The following CCDC6 variants were observed in gnomAD, a reference collection of about 807,000 sequenced individuals.
CCDC6 encodes coiled-coil domain containing 6, also known as coiled-coil domain-containing protein 6.
Under a neutral mutation model 56.6 loss-of-function variants are expected in CCDC6, and 20 were observed. That is an observed-to-expected ratio of 0.35 (90% CI 0.25 to 0.51). The LOEUF (loss-of-function observed/expected upper bound fraction) is 0.51, where lower values mean the gene tolerates loss of function less well. Among genes scored for constraint, CCDC6 ranks in the 20% least tolerant of loss-of-function variants. The probability of loss-of-function intolerance (pLI) is 0.95; values close to 1 mark genes in which losing one functional copy is unlikely to be tolerated. For synonymous variants in CCDC6, 241 were observed against 234.4 expected (o/e 1.03, Z -0.26); for missense variants, 367 against 601.1 (o/e 0.61, Z 4.07).
intron 7 of CCDC6, among the ~76,000 whole-genome samples, chr10:59,800,418 G>A (rs1242509829): frequency 6.6e-6 from 1 of 152,192 alleles, no homozygotes; most frequent in Non-Finnish European, 1.5e-5. Context: ...AACCCTTTGA[G>A]ATTAGGTCTT....
chr10:59,871,297 A>G (rs2132668549), intron 1 of CCDC6, among the ~76,000 whole-genome samples: 1 of 152,166 alleles, frequency 6.6e-6, no homozygotes, highest in Non-Finnish European at 1.5e-5. Context: ...ACATTCGCAG[A>G]GCTAAGAACA....
intron 2 of CCDC6, among the ~76,000 whole-genome samples, chr10:59,844,125 A>G (rs1220534152): frequency 1.3e-5 from 2 of 152,172 alleles, no homozygotes; most frequent in African/African-American, 4.8e-5. Context: ...TCAGTGAGGT[A>G]TGTCTGAGTG....
At chr10:59,863,362 A>C (rs1244644167) in intron 1 of CCDC6, among the ~76,000 whole-genome samples, 2 of 152,266 alleles carry the variant, frequency 1.3e-5, no homozygotes, top group Non-Finnish European at 2.9e-5. Flanking sequence ...CGTTATAAAT[A>C]TAACTTGGTG....
chr10:59,861,695 T>C lies in CCDC6; in HGVS notation c.304-8993A>G, dbSNP rs2071130076. Among the ~76,000 whole-genome samples the C allele has an allele frequency of 2.0e-5, 3 of 152,350 alleles. No homozygotes were observed. In the South Asian group the frequency reaches 6.2e-4, roughly 32 times the overall value. ...AATTAGAGATGAAGAATTCCTTCAA[T>C]GGGCTCATTAGTAGATTTGGCATGG... is the stretch of plus-strand genomic sequence containing the variant. On this transcript the variant is annotated intron_variant, in intron 1 of 8. Coordinates refer to ENST00000263102, the MANE Select transcript of CCDC6 (RefSeq NM_005436.5).
At chr10:59,845,165 A>G (rs927968976) in intron 2 of CCDC6, among the ~76,000 whole-genome samples, 9 of 152,152 alleles carry the variant, frequency 5.9e-5, no homozygotes. Context: ...TCCAACTAGA[A>G]ATAACAATAT....
intron 1 of CCDC6, among the ~76,000 whole-genome samples, chr10:59,853,426 C>T (rs1387676677): frequency 2.6e-5 from 4 of 151,916 alleles, no homozygotes; most frequent in South Asian, 4.1e-4. Flanking sequence ...TCCAGCTATT[C>T]GGGAGGCTAA....
intron 1 of CCDC6, among the ~76,000 whole-genome samples, chr10:59,874,248 C>T (rs1021995719): frequency 6.6e-6 from 1 of 152,108 alleles, no homozygotes; most frequent in African/African-American, 2.4e-5. Flanking sequence ...AACAAAGGCA[C>T]AAATTGATCT....
chr10:59,839,355 C>T (rs1055027537), intron 2 of CCDC6, among the ~76,000 whole-genome samples: 3 of 152,146 alleles, frequency 2.0e-5, no homozygotes, highest in African/African-American at 7.2e-5. Flanking sequence ...GATCCTACTC[C>T]AAAACATAGA....
intron 1 of CCDC6, among the ~76,000 whole-genome samples, chr10:59,855,240 C>T (rs2458661): frequency 0.53 from 80,424 of 152,090 alleles, 23,282 homozygotes; most frequent in African/African-American, 0.78. Flanking sequence ...GAGATTTCAC[C>T]GTAACATAAA....
In CCDC6 at chr10:59,871,468, T is replaced by TAAA. The variant is rs138741485; in HGVS notation, c.304-18769_304-18767dup. 3.0e-5 allele frequency among the ~76,000 whole-genome samples: 3 copies of TAAA among 98,490 alleles called. No homozygotes were observed. In the Admixed American group the frequency reaches 3.3e-4, roughly 11 times the overall value. 64.6% of individuals were successfully genotyped at this position (98,490 alleles called of 152,430 possible). A position where few individuals can be genotyped will look rare whatever the true frequency, so the allele number is the denominator to read the frequency against. Reference sequence around the variant, plus strand: ...TTCACTGGCATCACCTAATACTCATTAAAAAAAAAAAAAAAAAAAAAAAAA... The same window carrying TAAA: ...TTCACTGGCATCACCTAATACTCATTAAAAAAAAAAAAAAAAAAAAAAAAAAAA... On this transcript the variant is annotated intron_variant, in intron 1 of 8. Transcript: ENST00000263102.
chr10:59,826,861 A>T (rs1398321510), intron 3 of CCDC6, among the ~76,000 whole-genome samples: 1 of 152,240 alleles, frequency 6.6e-6, no homozygotes, highest in Non-Finnish European at 1.5e-5. Flanking sequence ...CATAGGAATT[A>T]GATGACATTT....
At chr10:59,899,000 G>A (rs1179870698) in intron 1 of CCDC6, among the ~76,000 whole-genome samples, 2 of 152,142 alleles carry the variant, frequency 1.3e-5, no homozygotes, top group Non-Finnish European at 2.9e-5. Flanking sequence ...TCCCTAAAGA[G>A]AGAACCTACA....
intron 3 of CCDC6, among the ~76,000 whole-genome samples, chr10:59,830,373 G>C (rs555913504): frequency 6.6e-6 from 1 of 152,124 alleles, no homozygotes; most frequent in Admixed American, 6.6e-5. Flanking sequence ...GGAAACTAAG[G>C]GATTTATTTC....
At chr10:59,890,121 C>T (rs1341210206) in intron 1 of CCDC6, among the ~76,000 whole-genome samples, 1 of 152,136 alleles carries the variant, frequency 6.6e-6, no homozygotes, top group African/African-American at 2.4e-5. Context: ...ACTGATGTCT[C>T]GTCCCACAGA....
intron 1 of CCDC6, among the ~76,000 whole-genome samples, chr10:59,869,281 T>C (rs1342586573): frequency 6.7e-6 from 1 of 148,714 alleles, no homozygotes; most frequent in Non-Finnish European, 1.5e-5. Context: ...TGCCAACCTG[T>C]CGTCACCACC....
intron 3 of CCDC6, among the ~76,000 whole-genome samples, chr10:59,831,347 A>G (rs558307635): frequency 2.0e-5 from 3 of 152,242 alleles, no homozygotes; most frequent in Non-Finnish European, 4.4e-5. Flanking sequence ...TGCTACAGGT[A>G]AAAACAAGAA....
At chr10:59,877,258 C>T (rs1449279554) in intron 1 of CCDC6, among the ~76,000 whole-genome samples, 1 of 152,066 alleles carries the variant, frequency 6.6e-6, no homozygotes, top group African/African-American at 2.4e-5. Flanking sequence ...CCTCAGATAA[C>T]GTATTTAATA....
intron 3 of CCDC6, among the ~76,000 whole-genome samples, chr10:59,828,247 G>A (rs1308749191): frequency 6.6e-6 from 1 of 152,190 alleles, no homozygotes; most frequent in East Asian, 1.9e-4. Context: ...GGGTTTATAG[G>A]CACTGGCCAC....
chr10:59,836,978 C>T lies in CCDC6; in HGVS notation c.454-4325G>A, dbSNP rs181707151. Among the ~76,000 whole-genome samples the T allele has an allele frequency of 4.6e-5, 7 of 152,322 alleles. No homozygotes were observed. In the East Asian group the frequency reaches 1.2e-3, roughly 25 times the overall value. ...TCCTAAAGCAAGCATTTTCTTGTAT[C>T]ATCCACTGATTAGATATATAGTCTC... On this transcript the variant is annotated intron_variant, in intron 2 of 8. Transcript: ENST00000263102.
Sources: gnomAD v4.1 joint callset for allele counts (sites outside exome capture counted in the v4.1 genomes callset) on GRCh38, gnomAD v4.1.1 for gene constraint, MANE v1.5 for transcripts, NCBI Gene and HGNC (gene_info 2026-07-23, HGNC 2026-07-21) for gene names.